Variants in TPM3 observed in about 807,000 individuals in gnomAD.
The protein encoded by TPM3 is tropomyosin alpha-3 chain.
Under a neutral mutation model 43.1 loss-of-function variants are expected in TPM3, and 16 were observed. The ratio of observed to expected loss-of-function variants is 0.37; its 90% CI spans 0.25 to 0.56. The LOEUF is 0.56. Ranked by LOEUF, TPM3 falls within the 20% of genes least tolerant of loss-of-function variation. TPM3 has a pLI of 0.77. For missense variants in TPM3, 176 were observed against 337.2 expected (o/e 0.52, Z 3.74); for synonymous variants, 101 against 116.9 (o/e 0.86, Z 0.88).
downstream of TPM3, among the ~76,000 whole-genome samples, chr1:154,158,447 C>T (rs550763664): frequency 7.0e-4 from 106 of 152,338 alleles, no homozygotes; most frequent in African/African-American, 2.4e-3. Flanking sequence ...ACCACTCTGA[C>T]TGCTCTAAAG....
At chr1:154,187,854 A>ATTGT (rs1212251255) in intron 2 of TPM3, among the ~76,000 whole-genome samples, 5 of 151,474 alleles carry the variant, frequency 3.3e-5, no homozygotes, top group Admixed American at 6.6e-5. Context: ...TTAACCTGAC[A>ATTGT]TTGTGCTAGT....
chr1:154,161,366 A>AT (rs1170485398), downstream of TPM3, among the ~76,000 whole-genome samples: 1 of 151,154 alleles, frequency 6.6e-6, no homozygotes, highest in African/African-American at 2.4e-5. Flanking sequence ...AACAGCCTGA[A>AT]TTTAGATAAT....
At chr1:154,159,763 AAT>A (rs1489580873), downstream of TPM3, among the ~76,000 whole-genome samples, 1 of 152,076 alleles carries the variant, frequency 6.6e-6, no homozygotes, top group Admixed American at 6.6e-5. Context: ...AGTTTTAACC[AAT>A]GAGATGTAGA....
rs1224088199 is a variant in TPM3 at position 154,162,038 on chromosome 1, T to C, written c.*5899A>G. The stretch of plus-strand genomic sequence containing the variant: ...AAACGAAAAGGCAAGGCAGAGAACC[T>C]ATTTGGTCTAGCGTTCTTTTCAGCT... On this transcript the variant is annotated 3_prime_UTR_variant, in exon 10 of 10. Coordinates refer to ENST00000651641, the MANE Select transcript of TPM3 (RefSeq NM_152263.4). 6.6e-6 allele frequency among the ~76,000 whole-genome samples: 1 copy of C among 152,148 alleles called. No homozygotes were observed. Among genetic ancestry groups the C allele is most frequent in the African/African-American group, 2.4e-5 (1 of 41,432 alleles).
intron 2 of TPM3, among the ~76,000 whole-genome samples, chr1:154,190,332 T>C (rs893879227): frequency 5.9e-5 from 9 of 152,206 alleles, no homozygotes; most frequent in African/African-American, 1.9e-4. Flanking sequence ...GACATTTCTG[T>C]TGTTGTTGGT....
At chr1:154,183,274 G>T in intron 2 of TPM3, 1 of 1,514,684 alleles carries the variant, frequency 6.6e-7, no homozygotes, top group Non-Finnish European at 8.8e-7. Flanking sequence ...CCCTCCCACC[G>T]CCAGGCAGGC....
At chr1:154,155,777 T>C (rs1288819185), downstream of TPM3, 1 of 224,848 alleles carries the variant, frequency 4.4e-6, no homozygotes, top group African/African-American at 2.2e-5. Flanking sequence ...AGGATTGATA[T>C]GGTTGTGAAG....
chr1:154,170,352 G>A (rs372021447), intron 8 of TPM3, 48 bp downstream of exon 8: 2 of 1,589,876 alleles, frequency 1.3e-6, no homozygotes. Context: ...TTAATGGGCA[G>A]TCTTCCTCTA....
rs150843317 is a variant in TPM3, at chr1:154,184,897, A to T, written c.243+6289T>A. ...TCACTGCCTCCAGTCTGGGTGACAG[A>T]TTGAGAGCCTGTCTCAAAAAAATAA... On this transcript the variant is annotated intron_variant, in intron 2 of 9. Transcript: ENST00000651641. 2.2e-4 allele frequency among the ~76,000 whole-genome samples: 33 copies of T among 151,944 alleles called. No homozygotes were observed. In the East Asian group the frequency reaches 4.8e-3, roughly 22 times the overall value.
Position 154,169,329 on chromosome 1 carries a change from T to C in TPM3, c.830A>G (p.His277Arg). 6.2e-7 allele frequency: 1 copy of C among 1,614,182 alleles called. No homozygotes were observed. The highest frequency in any genetic ancestry group is 8.5e-7 in the Non-Finnish European group (1 of 1,180,038). Residue 277 changes from histidine to arginine, a missense_variant, in exon 9 of 10, where the codon CAC (histidine) becomes CGC (arginine). Physicochemically the swap from His to Arg is conservative, Grantham distance 29 (BLOSUM62 0). Around this residue, in one of 4 missense-constraint regions of TPM3, gnomAD observed 26 missense variants for 21.8 expected, o/e 1.19. Transcript: ENST00000651641. ...KYKAISEELD[H>R]ALNDMTSI ...CATAGAGGTCATGTCATTGAGGGCG[T>C]GGTCCAGCTCCTCGCTAATGGCCTT... is the stretch of plus-strand genomic sequence containing the variant.
downstream of TPM3, among the ~76,000 whole-genome samples, chr1:154,160,162 G>A (rs905361424): frequency 6.6e-6 from 1 of 152,100 alleles, no homozygotes; most frequent in African/African-American, 2.4e-5. Context: ...GACTAGCACA[G>A]GGATAATACA....
At chr1:154,191,046 T>A in intron 2 of TPM3, 140 bp downstream of exon 2, 1 of 1,335,604 alleles carries the variant, frequency 7.5e-7, no homozygotes. Context: ...TATACCAGCA[T>A]GTGGTTATAT....
At chr1:154,171,641 A>G (rs1159886653) in intron 5 of TPM3, 153 bp from the exon 6 acceptor site, 2 of 825,984 alleles carry the variant, frequency 2.4e-6, no homozygotes, top group Non-Finnish European at 4.0e-6. Flanking sequence ...CTGAGCAAGC[A>G]TCAACCCTCC....
chr1:154,168,938 G>A (rs1424027468), intron 9 of TPM3, among the ~76,000 whole-genome samples: 2 of 151,440 alleles, frequency 1.3e-5, no homozygotes, highest in African/African-American at 4.8e-5. Context: ...AGATTCAAGC[G>A]ATTCTCCTGG....
downstream of TPM3, among the ~76,000 whole-genome samples, chr1:154,160,737 C>T (rs538782087): frequency 2.6e-4 from 39 of 152,280 alleles, no homozygotes; most frequent in African/African-American, 8.7e-4. Context: ...AAATGACAAA[C>T]GTTCACCATT....
chr1:154,172,713 T>A (rs1402609860), intron 5 of TPM3, 195 bp downstream of exon 5: 3 of 683,786 alleles, frequency 4.4e-6, no homozygotes, highest in Non-Finnish European at 7.7e-6. Context: ...AAGCCTCTTT[T>A]GTCACTTGTC....
At chr1:154,184,555 A>G (rs934780063) in intron 2 of TPM3, among the ~76,000 whole-genome samples, 1 of 152,000 alleles carries the variant, frequency 6.6e-6, no homozygotes, top group South Asian at 2.1e-4. Context: ...TTTAATAATC[A>G]CTTACAATTC....
At chr1:154,158,217 C>T (rs1048907537), downstream of TPM3, among the ~76,000 whole-genome samples, 14 of 152,110 alleles carry the variant, frequency 9.2e-5, no homozygotes, top group African/African-American at 2.7e-4. Context: ...AATAAAAGGG[C>T]GCTCACAGTT....
chr1:154,189,560 G>A (rs184845029), intron 2 of TPM3, among the ~76,000 whole-genome samples: 8 of 152,154 alleles, frequency 5.3e-5, no homozygotes, highest in Admixed American at 2.6e-4. Flanking sequence ...TTGGGAGGCC[G>A]AGGCAGGCGG....
Sources: allele counts gnomAD v4.1 joint callset (sites outside exome capture counted in the v4.1 genomes callset), GRCh38; gene constraint gnomAD v4.1.1; regional missense constraint gnomAD v4.1.1; transcripts MANE v1.5; gene names NCBI Gene and HGNC (gene_info 2026-07-23, HGNC 2026-07-21).